The following ANKDD1A variants were observed in gnomAD, a reference collection of about 807,000 sequenced individuals.
The protein encoded by ANKDD1A is ankyrin repeat and death domain-containing protein 1A.
Under a neutral mutation model 63.5 loss-of-function variants are expected in ANKDD1A, and 59 were observed. The ratio of observed to expected loss-of-function variants is 0.93; its 90% CI spans 0.75 to 1.15. The LOEUF (loss-of-function observed/expected upper bound fraction) is 1.15. Ranked by LOEUF, ANKDD1A falls within the 50% of genes most tolerant of loss-of-function variation. ANKDD1A has a pLI of 0.00. For missense variants in ANKDD1A, 632 were observed against 656.4 expected, an observed-to-expected ratio of 0.96 and a Z score of 0.41; for synonymous variants, 266 against 263.9, an observed-to-expected ratio of 1.01 and a Z score of -0.08.
intron 6 of ANKDD1A, 149 bp from the exon 7 acceptor site, chr15:64,930,672 GC>G: frequency 3.1e-6 from 2 of 649,712 alleles, no homozygotes; most frequent in South Asian, 3.9e-5. Flanking sequence ...CCAGGGCTTG[GC>G]CCTTGAATCT....
At chr15:64,912,059 G>A (rs2084935275) in intron 1 of ANKDD1A, 95 bp downstream of exon 1, 2 of 1,173,506 alleles carry the variant, frequency 1.7e-6, no homozygotes, top group Non-Finnish European at 2.2e-6. Flanking sequence ...GGCGCCCTCC[G>A]AACGGCCACC....
At chr15:64,918,837 C>A (rs2084988897) in intron 3 of ANKDD1A, among the ~76,000 whole-genome samples, 1 of 152,016 alleles carries the variant, frequency 6.6e-6, no homozygotes, top group Admixed American at 6.5e-5. Flanking sequence ...ACCTGTGATC[C>A]CAGCTGCTGG....
intron 12 of ANKDD1A, among the ~76,000 whole-genome samples, chr15:64,945,311 CA>C (rs1334596314): frequency 6.6e-6 from 1 of 151,972 alleles, no homozygotes; most frequent in East Asian, 1.9e-4. Flanking sequence ...AAAGTTAATA[CA>C]GATGGTCCCC....
intron 14 of ANKDD1A, chr15:64,950,404 CACAACTT>C: frequency 1.0e-6 from 1 of 985,380 alleles, no homozygotes; most frequent in Non-Finnish European, 1.2e-6. Context: ...CTGAGGTCAT[CACAACTT>C]ATTTGAGTAT....
intron 13 of ANKDD1A, among the ~76,000 whole-genome samples, chr15:64,948,494 A>G (rs538791095): frequency 6.6e-6 from 1 of 152,244 alleles, no homozygotes; most frequent in Admixed American, 6.5e-5. Flanking sequence ...ACCCAAGCAG[A>G]CTCAGCCTTT....
rs2085440565 is a variant in ANKDD1A, at chr15:64,958,475, C to G, written c.*1287C>G. The G allele has an allele frequency of 6.6e-6, 1 of 151,512 alleles. No homozygotes were observed. 9.4% of individuals were successfully genotyped at this position (151,512 alleles called of 1,614,324 possible). On this transcript the variant is annotated 3_prime_UTR_variant, in exon 15 of 15. Coordinates refer to ENST00000319580, the MANE Select transcript of ANKDD1A (RefSeq NM_182703.6). ...ATTTTTCTCTAAACCTAAAACTGTT[C>G]TAAAATAGAAAGTCTGTGAAAAAAA...
At chr15:64,953,576 GTTC>G (rs200070702) in intron 14 of ANKDD1A, among the ~76,000 whole-genome samples, 2,984 of 17,864 alleles carry the variant, frequency 0.17, 140 homozygotes, top group South Asian at 0.36. Flanking sequence ...CTTCTTCTTA[GTTC>G]TTCTTCTTCC....
At chr15:64,921,795 C>A in intron 3 of ANKDD1A, 126 bp from the exon 4 acceptor site, 1 of 714,536 alleles carries the variant, frequency 1.4e-6, no homozygotes, top group Non-Finnish European at 2.3e-6. Context: ...AAGCTTGGAG[C>A]TCCCTGGATT....
intron 14 of ANKDD1A, among the ~76,000 whole-genome samples, chr15:64,952,512 A>T (rs1176512853): frequency 2.8e-3 from 32 of 11,260 alleles, no homozygotes; most frequent in East Asian, 0.013. Flanking sequence ...CCTTCTTCTT[A>T]CTTTCTTCTT....
At chr15:64,915,254 A>G (rs543633443) in intron 1 of ANKDD1A, among the ~76,000 whole-genome samples, 5 of 152,132 alleles carry the variant, frequency 3.3e-5, no homozygotes, top group African/African-American at 4.8e-5. Flanking sequence ...GCAGTGAGAC[A>G]AGATCACGCC....
In ANKDD1A at chr15:64,952,892, C is replaced by T. The variant is rs372843467; in HGVS notation, c.1483+2920C>T. Among the ~76,000 whole-genome samples, 6 of 97,890 alleles carry T rather than the reference C, an allele frequency of 6.1e-5. No individual in the cohort carries two copies. The East Asian group carries it at 1.8e-3, about 29-fold the overall frequency. The allele number at this position is 97,890 out of a possible 152,430, so 64.2% of individuals were successfully genotyped here. On this transcript the variant is annotated intron_variant, in intron 14 of 14. Coordinates refer to ENST00000319580, the MANE Select transcript of ANKDD1A (RefSeq NM_182703.6). ...TCTTCTCTTTCTTCTTCTCCTTCTTCCTTCTCCTTCCTTCTCTTCTTCTCC... is the reference window on the plus strand; with the variant it reads ...TCTTCTCTTTCTTCTTCTCCTTCTTTCTTCTCCTTCCTTCTCTTCTTCTCC...
chr15:64,951,757 CT>C (rs2085286282), intron 14 of ANKDD1A, among the ~76,000 whole-genome samples: 799 of 61,204 alleles, frequency 0.013, 6 homozygotes, highest in Non-Finnish European at 0.02. Context: ...CTTCTTCCTT[CT>C]TTCCTTTTCT....
intron 14 of ANKDD1A, among the ~76,000 whole-genome samples, chr15:64,953,553 TTC>T (rs1491455729): frequency 6.1e-5 from 5 of 82,012 alleles, no homozygotes; most frequent in African/African-American, 1.7e-4. Context: ...TTCCTTCTCC[TTC>T]TTTCTTCCTC....
At chr15:64,929,237 A>T (rs12914118) in intron 6 of ANKDD1A, among the ~76,000 whole-genome samples, 48,177 of 152,136 alleles carry the variant, frequency 0.32, 8,603 homozygotes, top group East Asian at 0.69. Context: ...GTAGTGGCGT[A>T]ATCACAGCTC....
chr15:64,931,158 G>A (rs1595850545), intron 7 of ANKDD1A, among the ~76,000 whole-genome samples: 2 of 152,180 alleles, frequency 1.3e-5, no homozygotes, highest in Admixed American at 6.5e-5. Context: ...GAAGGGAGAC[G>A]TCACCGTGGA....
At chr15:64,953,515 CTCCTTCT>C (rs200989921) in intron 14 of ANKDD1A, among the ~76,000 whole-genome samples, 1,095 of 100,222 alleles carry the variant, frequency 0.011, 26 homozygotes, top group African/African-American at 0.043. Context: ...CCTCTTCCTT[CTCCTTCT>C]TCCTTCTTCT....
intron 11 of ANKDD1A, chr15:64,943,841 GCCC>G (rs1178323943): frequency 2.0e-6 from 1 of 491,128 alleles, no homozygotes; most frequent in Non-Finnish European, 3.7e-6. Flanking sequence ...CTCCTTTATG[GCCC>G]CCATCAGACT....
intron 14 of ANKDD1A, among the ~76,000 whole-genome samples, chr15:64,952,648 T>TCTTTCTTCTCCTC (rs587634921): frequency 7.1e-6 from 1 of 141,768 alleles, no homozygotes; most frequent in Non-Finnish European, 1.5e-5. Flanking sequence ...TTCTTCTCCT[T>TCTTTCTTCTCCTC]CTCCTTCTTC....
chr15:64,930,415 C>G (rs1300874560), intron 6 of ANKDD1A, among the ~76,000 whole-genome samples: 1 of 152,098 alleles, frequency 6.6e-6, no homozygotes, highest in Non-Finnish European at 1.5e-5. Context: ...GTGGCCCGGG[C>G]AGGCCATGCT....
Sources: gnomAD v4.1 joint callset for allele counts (sites outside exome capture counted in the v4.1 genomes callset) on GRCh38, gnomAD v4.1.1 for gene constraint, MANE v1.5 for transcripts, NCBI Gene and HGNC (gene_info 2026-07-23, HGNC 2026-07-21) for gene names.